The following AHNAK variants were observed in gnomAD, a reference collection of about 807,000 sequenced individuals.
The protein encoded by AHNAK is neuroblast differentiation-associated protein AHNAK.
A neutral mutation model predicts 37.8 loss-of-function variants in AHNAK; 23 were observed. The observed-to-expected ratio is 0.61, with a 90% CI of 0.44 to 0.86. The LOEUF (loss-of-function observed/expected upper bound fraction) is 0.86. Ranked by LOEUF, AHNAK falls within the 40% of genes least tolerant of loss-of-function variation. The pLI is 0.00. For synonymous variants in AHNAK, 2,481 were observed against 2,636.3 expected (o/e 0.94, Z 1.80); for missense variants, 7,411 against 7,319.4 (o/e 1.01, Z -0.46).
At position 62,525,971 on chromosome 11, in the gene AHNAK, C is replaced by T. The variant is rs778155917; in HGVS notation, c.8446G>A (p.Gly2816Arg). Residue 2816 changes from glycine to arginine, a missense_variant, in exon 5 of 5, where the codon GGA (glycine) becomes AGA (arginine). Transcript: ENST00000378024. ...TTAAACTTTGGACTTTTCCACTTTC[C>T]TTCAGGTCCTTCGATATTCACATCG... ...CPDVNIEGPE[G>R]KWKSPKFKMP... 1 of 1,614,064 alleles carries T rather than the reference C, an allele frequency of 6.2e-7. No individual in the cohort carries two copies. The highest frequency in any genetic ancestry group is 1.7e-5 in the Admixed American group (1 of 60,010).
At chr11:62,511,833 C>T (rs550256092), downstream of AHNAK, among the ~76,000 whole-genome samples, 2 of 152,066 alleles carry the variant, frequency 1.3e-5, no homozygotes, top group South Asian at 2.1e-4. Flanking sequence ...GGACTACAGG[C>T]GAGTGCCACA....
intron 1 of AHNAK, among the ~76,000 whole-genome samples, chr11:62,542,573 C>A (rs966690580): frequency 6.6e-6 from 1 of 152,182 alleles, no homozygotes; most frequent in Non-Finnish European, 1.5e-5. Context: ...CCCAGCCACG[C>A]ACAGCCCCAT....
At chr11:62,443,610 G>A (rs763568667) in intron 5 of AHNAK, among the ~76,000 whole-genome samples, 22 of 152,100 alleles carry the variant, frequency 1.4e-4, no homozygotes, top group Non-Finnish European at 2.8e-4. Context: ...CCCTGCCAGG[G>A]CCTCTTGGGG....
At chr11:62,436,090 T>A (rs1938164452) in intron 5 of AHNAK, among the ~76,000 whole-genome samples, 1 of 152,112 alleles carries the variant, frequency 6.6e-6, no homozygotes, top group South Asian at 2.1e-4. Flanking sequence ...CTCTAGCCCA[T>A]CCCCTTTCAT....
chr11:62,533,103 C>T lies in AHNAK; in HGVS notation c.1314G>A (p.Lys438=). ...KLNVPKMKVP[K]FSVSGAKGEE... ...CTCCCTTTGCACCTGATACAGAGAA[C>T]TTGGGGACTTTCATCTTGGGCACAT... is the stretch of plus-strand genomic sequence containing the variant. The change falls in exon 5 of 5, where the codon AAG becomes AAA. Residue 438 remains lysine (K), a synonymous_variant. Coordinates refer to ENST00000378024, the MANE Select transcript of AHNAK (RefSeq NM_001620.3). The T allele has an allele frequency of 6.3e-7, 1 of 1,584,818 alleles. No homozygotes were observed. Among genetic ancestry groups the T allele is most frequent in the African/African-American group, 1.4e-5 (1 of 73,472 alleles).
rs893194788 is a variant in AHNAK, at chr11:62,519,413, C to T, written c.15004G>A (p.Glu5002Lys). ...GGAGTCTCAAGGTTCAGCTCTGCCTCAGGAACAGTGACATCCAGTGAAGGT... is the reference window on the plus strand; with the variant it reads ...GGAGTCTCAAGGTTCAGCTCTGCCTTAGGAACAGTGACATCCAGTGAAGGT... Reference protein sequence around the residue: ...KSPSLDVTVPEAELNLETPEI... With the variant: ...KSPSLDVTVPKAELNLETPEI... The change falls in exon 5 of 5, where the codon GAG (glutamate) becomes AAG (lysine). Residue 5002 changes from glutamate to lysine, a missense_variant. Transcript: ENST00000378024. The T allele has an allele frequency of 8.1e-6, 13 of 1,612,930 alleles. No homozygotes were observed. The highest frequency in any genetic ancestry group is 1.3e-5 in the African/African-American group (1 of 74,820).
chr11:62,521,447 A>G lies in AHNAK; in HGVS notation c.12970T>C (p.Phe4324Leu). 4 of 1,612,638 alleles carry G rather than the reference A, an allele frequency of 2.5e-6. No individual in the cohort carries two copies. The highest frequency in any genetic ancestry group is 3.4e-6 in the Non-Finnish European group (4 of 1,179,740). ...TCTCCTTTGAATCCTGGCATGCTGA[A>G]TTTGGGCATTTTCACCTTGGGCATC... ...LKMPKVKMPK[F>L]SMPGFKGEGP... Residue 4324 changes from phenylalanine to leucine, a missense_variant, in exon 5 of 5, where the codon TTC becomes CTC. By Grantham distance (22) the Phe-to-Leu change is conservative. Transcript: ENST00000378024.
rs756116987 is a variant in AHNAK, at chr11:62,532,724, C to T, written c.1693G>A (p.Gly565Arg). The change falls in exon 5 of 5, where the codon GGA becomes AGA. Residue 565 changes from glycine (G) to arginine (R), a missense_variant. Gly to Arg is a moderately radical substitution (Grantham distance 125). Transcript: ENST00000378024. ...TCTGACATAGAGATCCTACAGGTTC[C>T]GGTTTTCCCGGAAGGACTGCCAAGC... The part of the protein sequence containing the change: ...PRLGSPSGKT[G>R]TCRISMSEVD... 9.3e-6 allele frequency: 15 copies of T among 1,613,816 alleles called. No individual in the cohort carries two copies. Among genetic ancestry groups the T allele is most frequent in the South Asian group, 6.6e-5 (6 of 91,064 alleles).
At chr11:62,448,596 G>A (rs1938466304) in intron 5 of AHNAK, among the ~76,000 whole-genome samples, 1 of 152,220 alleles carries the variant, frequency 6.6e-6, no homozygotes, top group Admixed American at 6.5e-5. Flanking sequence ...TTGTTGAGAT[G>A]GAGAAGCAGG....
Position 62,530,975 on chromosome 11 carries a change from C to A in AHNAK, c.3442G>T (p.Val1148Leu), listed in dbSNP as rs759396817. The change falls in exon 5 of 5, where the codon GTG (valine) becomes TTG (leucine). Residue 1148 changes from valine (V) to leucine (L), a missense_variant. Coordinates refer to ENST00000378024, the MANE Select transcript of AHNAK (RefSeq NM_001620.3). ...ACAACGTCAGCCTTAGGCAAGTTCA[C>A]ATCCACTTCTGGGCCCTCGCCTTTG... ...SLKGEGPEVD[V>L]NLPKADVVVS... 3.1e-6 allele frequency: 5 copies of A among 1,614,044 alleles called. No individual in the cohort carries two copies. The East Asian group carries it at 6.7e-5, about 22-fold the overall frequency.
At position 62,521,182 on chromosome 11, in the gene AHNAK, C is replaced by T; in HGVS notation, c.13235G>A (p.Gly4412Asp). ...DVDVSLPKVE[G>D]DLKGPEIDIK... is the part of the protein sequence containing the mutation. Reference sequence around the variant, plus strand: ...GTCAATTTCAGGGCCCTTGAGATCACCTTCCACTTTGGGCAGAGAGACATC... The same window carrying T: ...GTCAATTTCAGGGCCCTTGAGATCATCTTCCACTTTGGGCAGAGAGACATC... Residue 4412 changes from glycine (G) to aspartate (D), a missense_variant, in exon 5 of 5, where the codon GGT becomes GAT. Transcript: ENST00000378024. 6.2e-7 allele frequency: 1 copy of T among 1,614,086 alleles called. No individual in the cohort carries two copies. Among genetic ancestry groups the T allele is most frequent in the Non-Finnish European group, 8.5e-7 (1 of 1,180,046 alleles).
At position 62,524,559 on chromosome 11, in the gene AHNAK, C is replaced by T. The variant is rs778558740; in HGVS notation, c.9858G>A (p.Met3286Ile). Residue 3286 changes from methionine to isoleucine, a missense_variant, in exon 5 of 5, where the codon ATG (methionine) becomes ATA (isoleucine). By Grantham distance (10) the Met-to-Ile change is conservative. Coordinates refer to ENST00000378024, the MANE Select transcript of AHNAK (RefSeq NM_001620.3). ...LKGPKLKMPD[M>I]HVNMPKISMP... ...TGGAGATCTTGGGCATGTTTACATG[C>T]ATGTCAGGCATCTTCAGTTTTGGAC... 8.2e-5 allele frequency: 132 copies of T among 1,613,670 alleles called. 3 individuals carry two copies. In the South Asian group the frequency reaches 1.4e-3, roughly 17 times the overall value.
Position 62,531,970 on chromosome 11 carries a change from G to C in AHNAK, c.2447C>G (p.Pro816Arg). 2 of 1,614,142 alleles carry C rather than the reference G, an allele frequency of 1.2e-6. No homozygotes were observed. The highest frequency in any genetic ancestry group is 1.1e-5 in the South Asian group (1 of 91,082). Residue 816 changes from proline to arginine, a missense_variant, in exon 5 of 5, where the codon CCC becomes CGC. Coordinates refer to ENST00000378024, the MANE Select transcript of AHNAK (RefSeq NM_001620.3). ...GTCCACATCAGGCATGGAGATCTTGGGGACTTTGATGTTCATCTCAGGCAT... is the reference window on the plus strand; with the variant it reads ...GTCCACATCAGGCATGGAGATCTTGCGGACTTTGATGTTCATCTCAGGCAT... ...FKMPEMNIKV[P>R]KISMPDVDLH... is the part of the protein sequence containing the mutation.
chr11:62,539,154 C>T lies in AHNAK; in HGVS notation c.-99-2587G>A, dbSNP rs527386274. Reference sequence around the variant, plus strand: ...AGGAAATCACTCTGACCCTTCCCAGCAAGAAACAGCAAAGCTGGGGCTTAA... The same window carrying T: ...AGGAAATCACTCTGACCCTTCCCAGTAAGAAACAGCAAAGCTGGGGCTTAA... On this transcript the variant is annotated intron_variant, in intron 1 of 4. Coordinates refer to ENST00000378024, the MANE Select transcript of AHNAK (RefSeq NM_001620.3). 3.9e-5 allele frequency among the ~76,000 whole-genome samples: 6 copies of T among 152,342 alleles called. No homozygotes were observed. The South Asian group carries it at 1.2e-3, about 32-fold the overall frequency.
At chr11:62,541,989 A>G (rs1046614697) in intron 1 of AHNAK, 1 of 152,262 alleles carries the variant, frequency 6.6e-6, no homozygotes, top group Non-Finnish European at 1.5e-5. Context: ...AGCTGGCATT[A>G]ACAACTTTTA....
Position 62,527,248 on chromosome 11 carries a change from T to A in AHNAK, c.7169A>T (p.Asp2390Val). Residue 2390 changes from aspartate (D) to valine (V), a missense_variant, in exon 5 of 5, where the codon GAC (aspartate) becomes GTC (valine). Transcript: ENST00000378024. ...GGGGCTCTTCAAGTGTAGATCGAGG[T>A]CTGGCATAGAGATTTTGGGAGCTTT... ...HFKAPKISMPDLDLHLKSPKA... is the reference protein window; with the variant it reads ...HFKAPKISMPVLDLHLKSPKA... The A allele has an allele frequency of 3.1e-6, 5 of 1,611,302 alleles. No individual in the cohort carries two copies. The highest frequency in any genetic ancestry group is 4.2e-6 in the Non-Finnish European group (5 of 1,179,120).
chr11:62,489,410 G>A (rs1939458464), intron 5 of AHNAK, among the ~76,000 whole-genome samples: 1 of 152,128 alleles, frequency 6.6e-6, no homozygotes, highest in South Asian at 2.1e-4. Flanking sequence ...TTCACCCCGA[G>A]AGCCATGAGC....
In AHNAK at chr11:62,522,785, T is replaced by C; in HGVS notation, c.11632A>G (p.Ile3878Val). The C allele has an allele frequency of 6.2e-7, 1 of 1,606,742 alleles. No homozygotes were observed. Among genetic ancestry groups the C allele is most frequent in the Non-Finnish European group, 8.5e-7 (1 of 1,177,314 alleles). Residue 3878 changes from isoleucine (I) to valine (V), a missense_variant, in exon 5 of 5, where the codon ATT (isoleucine) becomes GTT (valine). By Grantham distance (29) the Ile-to-Val change is conservative (BLOSUM62 3). Transcript: ENST00000378024. ...IKAPKISMPD[I>V]DLNLKGPKVK... Reference sequence around the variant, plus strand: ...TTGGGTCCTTTCAGGTTAAGATCAATGTCAGGCATGGAGATCTTGGGGGCT... The same window carrying C: ...TTGGGTCCTTTCAGGTTAAGATCAACGTCAGGCATGGAGATCTTGGGGGCT...
At chr11:62,463,705 G>C (rs926162239) in intron 5 of AHNAK, among the ~76,000 whole-genome samples, 13 of 151,958 alleles carry the variant, frequency 8.6e-5, no homozygotes, top group African/African-American at 3.1e-4. Context: ...CTGGGTTTTT[G>C]GTTTTGGTTG....
Sources: gnomAD v4.1 joint callset for allele counts (sites outside exome capture counted in the v4.1 genomes callset) on GRCh38, gnomAD v4.1.1 for gene constraint, MANE v1.5 for transcripts, NCBI Gene and HGNC (gene_info 2026-07-23, HGNC 2026-07-21) for gene names.